The following UPF2 variants were observed in gnomAD, a reference collection of about 807,000 sequenced individuals.
The protein encoded by UPF2 is regulator of nonsense transcripts 2.
UPF2 carries 17 observed loss-of-function variants against 141.4 expected under a neutral mutation model. The observed-to-expected ratio is 0.12, with a 90% CI of 0.08 to 0.18. UPF2 has a LOEUF of 0.18. Among genes scored for constraint, UPF2 ranks in the 10% least tolerant of loss-of-function variants. UPF2 has a pLI of 1.00. For synonymous variants in UPF2, 540 were observed against 498.0 expected (o/e 1.08, Z -1.12); for missense variants, 1,152 against 1,515.9 (o/e 0.76, Z 3.99).
rs1834288388 is a variant in UPF2, at chr10:12,019,928, T to C, written c.1146-5744A>G. On this transcript the variant is annotated intron_variant, in intron 3 of 21. Coordinates refer to ENST00000357604, the MANE Select transcript of UPF2 (RefSeq NM_015542.4). This position sits in a 1 kb window ranked among gnomAD's most constrained non-coding sequence, Gnocchi z 4.5. ...TTAGTAGAGACGGGGTTTTGCCACGTTGGCCAGGCTGGCCTCAGGCTCCTG... is the reference window on the plus strand; with the variant it reads ...TTAGTAGAGACGGGGTTTTGCCACGCTGGCCAGGCTGGCCTCAGGCTCCTG... 6.6e-6 allele frequency among the ~76,000 whole-genome samples: 1 copy of C among 152,140 alleles called. No homozygotes were observed. Among genetic ancestry groups the C allele is most frequent in the South Asian group, 2.1e-4 (1 of 4,830 alleles).
intron 18 of UPF2, among the ~76,000 whole-genome samples, chr10:11,938,896 C>T (rs1832900493): frequency 1.1e-5 from 1 of 90,232 alleles, no homozygotes. Context: ...GACGGAGTCT[C>T]ACTCTGTCCC....
At chr10:12,029,563 A>G (rs562829136) in intron 2 of UPF2, 39 bp from the exon 3 acceptor site, 1 of 1,526,906 alleles carries the variant, frequency 6.5e-7, no homozygotes, top group East Asian at 2.3e-5. Context: ...TACTCTCTAC[A>G]TTTTGAAGCA....
chr10:11,936,860 A>C lies in UPF2; in HGVS notation c.3379-148T>G. 1 of 733,428 alleles carries C rather than the reference A, an allele frequency of 1.4e-6. No individual in the cohort carries two copies. Among genetic ancestry groups the C allele is most frequent in the African/African-American group, 1.8e-5 (1 of 54,880 alleles). The allele number at this position is 733,428 out of a possible 1,614,324, so 45.4% of individuals were successfully genotyped here. A position where few individuals can be genotyped will look rare whatever the true frequency, so the allele number is the denominator to read the frequency against. On this transcript the variant is annotated intron_variant, in intron 18 of 21. Transcript: ENST00000357604. This position sits in a 1 kb window ranked among gnomAD's most constrained non-coding sequence, Gnocchi z 6.6. ...AGTCAACAATTACAACCACCATAAT[A>C]CTCTTTCTGAAACGTGGATAAATCT...
At chr10:11,942,610 T>C in intron 18 of UPF2, 55 bp downstream of exon 18, 4 of 1,523,002 alleles carry the variant, frequency 2.6e-6, no homozygotes, top group Admixed American at 3.4e-5. Flanking sequence ...CAGAATGTAA[T>C]GGGCTGCAAT....
chr10:12,004,987 G>A (rs1834012140), intron 4 of UPF2, among the ~76,000 whole-genome samples: 2 of 152,006 alleles, frequency 1.3e-5, no homozygotes, highest in African/African-American at 4.8e-5. Context: ...CAATTAATAT[G>A]AGATTAAGTA....
Position 11,992,919 on chromosome 10 carries a change from C to T in UPF2, c.1844+4753G>A, listed in dbSNP as rs752815221. Among the ~76,000 whole-genome samples the T allele has an allele frequency of 3.3e-5, 5 of 152,046 alleles. No homozygotes were observed. The South Asian group carries it at 6.2e-4, about 19-fold the overall frequency. ...ATCCCAGCACTTTGGGAGGCCAAGG[C>T]GAGTGAATCACTTGCGGTCAGGAGT... is the stretch of plus-strand genomic sequence containing the variant. On this transcript the variant is annotated intron_variant, in intron 8 of 21. Transcript: ENST00000357604. This position sits in a 1 kb window ranked among gnomAD's most constrained non-coding sequence, Gnocchi z 4.1.
chr10:12,001,157 G>A lies in UPF2; in HGVS notation c.1654+519C>T, dbSNP rs1421114296. 1.5e-4 allele frequency among the ~76,000 whole-genome samples: 23 copies of A among 152,186 alleles called. 1 individual carries two copies. The highest frequency in any genetic ancestry group is 1.5e-3 in the Admixed American group (23 of 15,278). On this transcript the variant is annotated intron_variant, in intron 6 of 21. Coordinates refer to ENST00000357604, the MANE Select transcript of UPF2 (RefSeq NM_015542.4). ...GGGCCGGGTGCGGTGGCTCATGCCT[G>A]TAATCCCAGCAGTTTGGGAGCCAAG...
intron 1 of UPF2, among the ~76,000 whole-genome samples, chr10:12,038,983 A>G (rs1239768297): frequency 6.6e-6 from 1 of 152,114 alleles, no homozygotes; most frequent in African/African-American, 2.4e-5. Flanking sequence ...TCTATTATCT[A>G]GAAGTGTAGT....
At chr10:11,937,394 G>C (rs1295605394) in intron 18 of UPF2, among the ~76,000 whole-genome samples, 1 of 152,182 alleles carries the variant, frequency 6.6e-6, no homozygotes, top group Non-Finnish European at 1.5e-5. Context: ...TACATCATAG[G>C]TGTACAGCAC....
chr10:12,011,334 C>A (rs559118150), intron 4 of UPF2, among the ~76,000 whole-genome samples: 1 of 152,336 alleles, frequency 6.6e-6, no homozygotes, highest in African/African-American at 2.4e-5. Flanking sequence ...CACAGTGGCT[C>A]ATGCCTGTAA....
At chr10:12,000,038 T>C (rs1833927826) in intron 6 of UPF2, 29 bp from the exon 7 acceptor site, 1 of 1,346,810 alleles carries the variant, frequency 7.4e-7, no homozygotes, top group Non-Finnish European at 1.0e-6. Context: ...TTAAATAGGT[T>C]AAAAAAAAAA....
At chr10:12,005,834 G>A (rs1215610108) in intron 4 of UPF2, among the ~76,000 whole-genome samples, 2 of 150,632 alleles carry the variant, frequency 1.3e-5, no homozygotes, top group Non-Finnish European at 3.0e-5. Context: ...GCCTCCCAAA[G>A]TGCTGGGATT....
At chr10:11,978,689 A>ACT (rs1833545458) in intron 9 of UPF2, among the ~76,000 whole-genome samples, 2 of 152,174 alleles carry the variant, frequency 1.3e-5, no homozygotes, top group South Asian at 4.1e-4. Context: ...CACCTAAAGA[A>ACT]GCATATCCTA....
chr10:11,948,458 G>C lies in UPF2; in HGVS notation c.3085C>G (p.Leu1029Val), dbSNP rs754527369. The C allele has an allele frequency of 6.2e-7, 1 of 1,613,026 alleles. No homozygotes were observed. Among genetic ancestry groups the C allele is most frequent in the Admixed American group, 1.7e-5 (1 of 59,978 alleles). Residue 1029 changes from leucine to valine, a missense_variant, in exon 16 of 22, where the codon CTT (leucine) becomes GTT (valine). Around this residue, in one of 4 missense-constraint regions of UPF2, gnomAD observed 202 missense variants for 223.6 expected, o/e 0.90. Transcript: ENST00000357604. Reference sequence around the variant, plus strand: ...TCTTCTTCTTCTTCATCCTCTTCAAGATTTTCTCCTTCTGTCATAGAATCT... The same window carrying C: ...TCTTCTTCTTCTTCATCCTCTTCAACATTTTCTCCTTCTGTCATAGAATCT... ...SKDSMTEGEN[L>V]EEDEEEEEGG...
chr10:11,993,666 T>C (rs1833819075), intron 8 of UPF2, among the ~76,000 whole-genome samples: 1 of 152,090 alleles, frequency 6.6e-6, no homozygotes, highest in African/African-American at 2.4e-5. Flanking sequence ...AAAACTAAAA[T>C]TACCACATGT....
chr10:11,922,430 A>G (rs901371571), intron 21 of UPF2, among the ~76,000 whole-genome samples: 1 of 152,238 alleles, frequency 6.6e-6, no homozygotes, highest in African/African-American at 2.4e-5. Flanking sequence ...GAACTGATGG[A>G]AAGAACACAA....
At chr10:11,961,860 G>T (rs1010395008) in intron 11 of UPF2, among the ~76,000 whole-genome samples, 3 of 152,142 alleles carry the variant, frequency 2.0e-5, no homozygotes, top group Non-Finnish European at 2.9e-5. Flanking sequence ...CTATTTATAA[G>T]TTCGACTGTG....
At chr10:12,034,425 C>A (rs1277385890) in intron 2 of UPF2, among the ~76,000 whole-genome samples, 1 of 151,922 alleles carries the variant, frequency 6.6e-6, no homozygotes, top group African/African-American at 2.4e-5. Flanking sequence ...TAGGTTCAAG[C>A]GATTCTCCTA....
rs989921864 is a variant in UPF2, at chr10:11,979,525, T to C, written c.1845-360A>G. Among the ~76,000 whole-genome samples the C allele has an allele frequency of 1.3e-5, 2 of 152,212 alleles. No individual in the cohort carries two copies. Among genetic ancestry groups the C allele is most frequent in the Non-Finnish European group, 2.9e-5 (2 of 68,046 alleles). On this transcript the variant is annotated intron_variant, in intron 8 of 21. Transcript: ENST00000357604. The surrounding 1 kb of genome is among the most constrained non-coding windows in gnomAD (Gnocchi z 6.2). ...CATATTTACAAATCTCAAGGTAACT[T>C]CTCTAGTGCAAGACAAAATCCTTTA...
Sources: gnomAD v4.1 joint callset for allele counts (sites outside exome capture counted in the v4.1 genomes callset) on GRCh38, gnomAD v4.1.1 for gene constraint, gnomAD v4.1.1 regional missense constraint, Gnocchi (gnomAD v3.1) non-coding constraint, MANE v1.5 for transcripts, NCBI Gene and HGNC (gene_info 2026-07-23, HGNC 2026-07-21) for gene names.